The following MED27 variants were observed in gnomAD, a reference collection of about 807,000 sequenced individuals.
MED27 encodes mediator complex subunit 27.
In MED27, 30 loss-of-function variants were observed where a neutral mutation model predicts 38.2. The ratio of observed to expected loss-of-function variants is 0.79; its 90% CI spans 0.59 to 1.07. The LOEUF (loss-of-function observed/expected upper bound fraction) is 1.07. Ranked by LOEUF, MED27 falls within the 50% of genes least tolerant of loss-of-function variation. The pLI is 0.00. For missense variants in MED27, 289 were observed against 397.5 expected, an observed-to-expected ratio of 0.73 and a Z score of 2.32; for synonymous variants, 122 against 153.5, an observed-to-expected ratio of 0.79 and a Z score of 1.52.
intron 3 of MED27, among the ~76,000 whole-genome samples, chr9:131,993,053 A>G (rs1044495830): frequency 3.3e-5 from 5 of 152,192 alleles, no homozygotes; most frequent in African/African-American, 1.2e-4. Context: ...ATCTCACTCC[A>G]GAACCTGTTT....
intron 5 of MED27, among the ~76,000 whole-genome samples, chr9:131,885,495 C>T (rs1179197311): frequency 2.6e-5 from 4 of 152,086 alleles, no homozygotes; most frequent in South Asian, 2.1e-4. Flanking sequence ...AACTGACGCC[C>T]GGCTGGTCAA....
intron 4 of MED27, among the ~76,000 whole-genome samples, chr9:131,933,184 G>A (rs936312487): frequency 7.2e-5 from 11 of 152,112 alleles, no homozygotes; most frequent in African/African-American, 2.7e-4. Context: ...AAAAATGAAA[G>A]CCTTTCCTCT....
At position 132,003,376 on chromosome 9, in the gene MED27, G is replaced by A. The variant is rs961161538; in HGVS notation, c.479+10961C>T. ...AATTTCTCTTTGACTCAGTATCTAC[G>A]GAAGACACTGGGTTTTAAATTTTAG... On this transcript the variant is annotated intron_variant, in intron 3 of 7. Coordinates refer to ENST00000292035, the MANE Select transcript of MED27 (RefSeq NM_004269.4). The surrounding 1 kb of genome is among the most constrained non-coding windows in gnomAD (Gnocchi z 4.2). Among the ~76,000 whole-genome samples the A allele has an allele frequency of 4.6e-5, 7 of 152,242 alleles. No homozygotes were observed. The highest frequency in any genetic ancestry group is 1.9e-4 in the East Asian group (1 of 5,188).
In MED27 at chr9:131,973,460, T is replaced by TC. The variant is rs1554762364; in HGVS notation, c.480-33987_480-33986insG. 4.9e-3 allele frequency among the ~76,000 whole-genome samples: 703 copies of TC among 143,954 alleles called. 1 individual carries two copies. The highest frequency in any genetic ancestry group is 7.4e-3 in the Non-Finnish European group (493 of 66,388). The allele number at this position is 143,954 out of a possible 152,430, so 94.4% of individuals were successfully genotyped here. On this transcript the variant is annotated intron_variant, in intron 3 of 7. Transcript: ENST00000292035. The stretch of plus-strand genomic sequence containing the variant: ...TTTCTTTTTTTCTTTTTCTTTTCTT[T>TC]TTTTTTTTTTTTTTTTGAGATAGAG...
At chr9:131,923,508 C>T (rs1315128421) in intron 4 of MED27, among the ~76,000 whole-genome samples, 1 of 152,164 alleles carries the variant, frequency 6.6e-6, no homozygotes, top group Non-Finnish European at 1.5e-5. Flanking sequence ...GTTCTCTATC[C>T]CTCTCCTATC....
intron 2 of MED27, among the ~76,000 whole-genome samples, chr9:132,071,020 C>G (rs1245191609): frequency 6.6e-6 from 1 of 152,216 alleles, no homozygotes; most frequent in Non-Finnish European, 1.5e-5. Context: ...TGGGCCACCA[C>G]TGCCTGGAAC....
intron 3 of MED27, among the ~76,000 whole-genome samples, chr9:131,995,318 C>T (rs1832066487): frequency 6.6e-6 from 1 of 151,798 alleles, no homozygotes; most frequent in African/African-American, 2.4e-5. Flanking sequence ...GCATGATAGA[C>T]CCATGAATAA....
chr9:132,035,259 G>T (rs1302003861), intron 2 of MED27, among the ~76,000 whole-genome samples: 1 of 152,160 alleles, frequency 6.6e-6, no homozygotes, highest in Non-Finnish European at 1.5e-5. Context: ...TAGCCAAACA[G>T]CATTTCATTC....
chr9:131,893,707 G>A (rs1456305882), intron 5 of MED27, among the ~76,000 whole-genome samples, 178 bp downstream of exon 5: 1 of 152,212 alleles, frequency 6.6e-6, no homozygotes, highest in Non-Finnish European at 1.5e-5. Flanking sequence ...GATGGAGAAT[G>A]CAAGCAGAGA....
intron 3 of MED27, among the ~76,000 whole-genome samples, chr9:131,960,679 T>C (rs1464594319): frequency 6.6e-6 from 1 of 152,196 alleles, no homozygotes; most frequent in South Asian, 2.1e-4. Context: ...TGAATAATAA[T>C]GAGGGATGAC....
In MED27 at chr9:131,913,271, T is replaced by G. The variant is rs1458919261; in HGVS notation, c.574-19279A>C. 2.0e-5 allele frequency among the ~76,000 whole-genome samples: 3 copies of G among 152,224 alleles called. No individual in the cohort carries two copies. The highest frequency in any genetic ancestry group is 4.4e-5 in the Non-Finnish European group (3 of 68,038). The stretch of plus-strand genomic sequence containing the variant: ...CCTTTTCATGGATAGTAGCAGAGGT[T>G]GATAAAGAAAGACCAGGACTTGGGC... On this transcript the variant is annotated intron_variant, in intron 4 of 7. Transcript: ENST00000292035. This position sits in a 1 kb window ranked among gnomAD's most constrained non-coding sequence, Gnocchi z 4.5.
intron 3 of MED27, among the ~76,000 whole-genome samples, chr9:131,955,166 C>T (rs540210951): frequency 6.6e-6 from 1 of 152,168 alleles, no homozygotes; most frequent in South Asian, 2.1e-4. Flanking sequence ...AAATTAAACA[C>T]ACTTTTAAAC....
intron 2 of MED27, among the ~76,000 whole-genome samples, chr9:132,059,704 A>G (rs965066202): frequency 6.6e-6 from 1 of 152,238 alleles, no homozygotes; most frequent in African/African-American, 2.4e-5. Flanking sequence ...GAAAGCAGCC[A>G]TTAATGCGCC....
chr9:131,916,372 A>G (rs895386697), intron 4 of MED27, among the ~76,000 whole-genome samples: 1 of 152,254 alleles, frequency 6.6e-6, no homozygotes, highest in Admixed American at 6.5e-5. Context: ...GATTGTCTAC[A>G]AGAAAACAGC....
intron 4 of MED27, among the ~76,000 whole-genome samples, chr9:131,908,296 G>GT (rs1297347419): frequency 1.3e-5 from 2 of 151,748 alleles, no homozygotes; most frequent in Admixed American, 6.5e-5. Context: ...CGTCCGGGAG[G>GT]TGAGGGGCGC....
chr9:132,079,304 G>A (rs1834122080), intron 1 of MED27, among the ~76,000 whole-genome samples: 1 of 152,132 alleles, frequency 6.6e-6, no homozygotes, highest in Non-Finnish European at 1.5e-5. Context: ...CAGACGTGAT[G>A]GGGCACAGAG....
intron 2 of MED27, among the ~76,000 whole-genome samples, chr9:132,024,035 A>T (rs1390203257): frequency 6.6e-6 from 1 of 152,206 alleles, no homozygotes; most frequent in African/African-American, 2.4e-5. Flanking sequence ...GCCATGAAGC[A>T]GCAAAGGCTG....
At chr9:132,073,749 TA>T (rs201020577) in intron 2 of MED27, 1,351 of 1,282,358 alleles carry the variant, frequency 1.1e-3, no homozygotes, top group Admixed American at 5.1e-3. Flanking sequence ...CTTTCTGTAA[TA>T]AAAAAAAAAT....
At chr9:131,976,755 A>C (rs1831615513) in intron 3 of MED27, among the ~76,000 whole-genome samples, 1 of 152,228 alleles carries the variant, frequency 6.6e-6, no homozygotes, top group South Asian at 2.1e-4. Context: ...ATGATTACGA[A>C]AATAGCTACC....
Sources: gnomAD v4.1 joint callset for allele counts (sites outside exome capture counted in the v4.1 genomes callset) on GRCh38, gnomAD v4.1.1 for gene constraint, Gnocchi (gnomAD v3.1) non-coding constraint, MANE v1.5 for transcripts, NCBI Gene and HGNC (gene_info 2026-07-23, HGNC 2026-07-21) for gene names.